SPIDR: variants seen among roughly 807,000 people sequenced by gnomAD.
The protein encoded by SPIDR is DNA repair-scaffolding protein.
Under a neutral mutation model 104.6 loss-of-function variants are expected in SPIDR, and 93 were observed. The ratio of observed to expected loss-of-function variants is 0.89; its 90% confidence interval spans 0.75 to 1.06. The LOEUF (loss-of-function observed/expected upper bound fraction) is 1.06. Among genes scored for constraint, SPIDR ranks in the 50% least tolerant of loss-of-function variants. The probability of loss-of-function intolerance (pLI) is 0.00; values close to 1 mark genes in which losing one functional copy is unlikely to be tolerated. For synonymous variants in SPIDR, 431 were observed against 416.9 expected (o/e 1.03, Z -0.41); for missense variants, 1,154 against 1,111.2 (o/e 1.04, Z -0.55).
intron 8 of SPIDR, among the ~76,000 whole-genome samples, chr8:47,441,884 A>G (rs1233033978): frequency 3.3e-5 from 5 of 152,294 alleles, no homozygotes; most frequent in Admixed American, 2.0e-4. Flanking sequence ...AGGAGTCCCA[A>G]CATTATTTAT....
At chr8:47,320,520 A>G (rs1368078286) in intron 5 of SPIDR, among the ~76,000 whole-genome samples, 5 of 152,238 alleles carry the variant, frequency 3.3e-5, no homozygotes, top group Non-Finnish European at 7.3e-5. Flanking sequence ...CCAGAGGTAC[A>G]AGGAGGAGCT....
intron 4 of SPIDR, among the ~76,000 whole-genome samples, chr8:47,292,279 G>T (rs1211004460): frequency 2.0e-5 from 3 of 152,130 alleles, no homozygotes; most frequent in African/African-American, 7.2e-5. Flanking sequence ...TCTCGGGAGG[G>T]TAGTTAAATT....
At chr8:47,633,703 G>A (rs1420849955) in intron 10 of SPIDR, among the ~76,000 whole-genome samples, 2 of 152,068 alleles carry the variant, frequency 1.3e-5, no homozygotes, top group African/African-American at 4.8e-5. Flanking sequence ...TTTACTGACT[G>A]CATTCCTCAT....
intron 5 of SPIDR, among the ~76,000 whole-genome samples, chr8:47,369,257 G>A (rs2057674920): frequency 6.6e-6 from 1 of 152,130 alleles, no homozygotes; most frequent in African/African-American, 2.4e-5. Flanking sequence ...AGTAAGAGAG[G>A]CAGCTTCTAA....
chr8:47,302,436 C>G, intron 5 of SPIDR, among the ~76,000 whole-genome samples: 1 of 152,216 alleles, frequency 6.6e-6, no homozygotes, highest in Non-Finnish European at 1.5e-5. Flanking sequence ...AAGCCTTCTT[C>G]TCTCAACTCG....
chr8:47,467,801 C>T (rs79258053), intron 8 of SPIDR, among the ~76,000 whole-genome samples: 1 of 152,174 alleles, frequency 6.6e-6, no homozygotes. Context: ...CAGCCCAAGA[C>T]AAGGATGCCC....
chr8:47,284,020 G>T lies in SPIDR; in HGVS notation c.190-8G>T. ...ACATAAATTCCATGATTATTATTTT[G>T]CCTACAGTCATTAACAGCTGAAGAG... On this transcript the variant is annotated splice_region_variant and splice_polypyrimidine_tract_variant and intron_variant, in intron 2 of 19. Transcript: ENST00000297423. 1 of 1,599,014 alleles carries T rather than the reference G, an allele frequency of 6.3e-7. No individual in the cohort carries two copies.
intron 3 of SPIDR, among the ~76,000 whole-genome samples, chr8:47,289,371 A>C (rs1446264642): frequency 5.9e-5 from 9 of 152,210 alleles, no homozygotes; most frequent in Non-Finnish European, 1.2e-4. Flanking sequence ...ATGTGCTTTG[A>C]AATATATCAA....
intron 10 of SPIDR, among the ~76,000 whole-genome samples, chr8:47,624,499 TA>T (rs1563346727): frequency 6.6e-6 from 1 of 151,286 alleles, no homozygotes; most frequent in African/African-American, 2.4e-5. Context: ...GCAAGACTAA[TA>T]AAGAAGAAAA....
intron 5 of SPIDR, among the ~76,000 whole-genome samples, chr8:47,366,824 G>C (rs1554634886): frequency 6.6e-6 from 1 of 152,030 alleles, no homozygotes; most frequent in Non-Finnish European, 1.5e-5. Flanking sequence ...ATTTTTTTTG[G>C]TTATTCTGCT....
At chr8:47,662,185 A>G (rs1428535050) in intron 10 of SPIDR, among the ~76,000 whole-genome samples, 1 of 152,140 alleles carries the variant, frequency 6.6e-6, no homozygotes, top group Non-Finnish European at 1.5e-5. Context: ...GCCTTCTCAC[A>G]TGCTGACAGA....
chr8:47,663,949 T>G (rs1226707215), intron 10 of SPIDR, among the ~76,000 whole-genome samples: 2 of 152,194 alleles, frequency 1.3e-5, no homozygotes, highest in African/African-American at 4.8e-5. Flanking sequence ...GAAATTGTCC[T>G]AAGGGCATAC....
chr8:47,518,984 G>A (rs973571744), intron 8 of SPIDR, among the ~76,000 whole-genome samples: 8 of 152,146 alleles, frequency 5.3e-5, no homozygotes, highest in African/African-American at 1.9e-4. Context: ...ATGAAGAAAT[G>A]TGAATAATTG....
intron 8 of SPIDR, among the ~76,000 whole-genome samples, chr8:47,514,295 A>T (rs931768115): frequency 6.6e-6 from 1 of 152,196 alleles, no homozygotes; most frequent in African/African-American, 2.4e-5. Flanking sequence ...TCTAAAACAA[A>T]AACTCATCAC....
At position 47,483,983 on chromosome 8, in the gene SPIDR, TA is replaced by T. The variant is rs552813536; in HGVS notation, c.1097+43454del. ...AAAATTACCAAGTACAGCTTCGTGTTAAAAAAAAAAAAATGTCGATGCATCT... is the reference window on the plus strand; with the variant it reads ...AAAATTACCAAGTACAGCTTCGTGTTAAAAAAAAAAAATGTCGATGCATCT... On this transcript the variant is annotated intron_variant, in intron 8 of 19. Transcript: ENST00000297423. Among the ~76,000 whole-genome samples the T allele has an allele frequency of 3.1e-3, 459 of 145,768 alleles. 5 individuals carry two copies. In the South Asian group the frequency reaches 0.035, roughly 11 times the overall value.
At chr8:47,497,933 G>A (rs1026953559) in intron 8 of SPIDR, among the ~76,000 whole-genome samples, 1 of 152,172 alleles carries the variant, frequency 6.6e-6, no homozygotes, top group Non-Finnish European at 1.5e-5. Flanking sequence ...GTTTAACAAA[G>A]GGAATTGTGG....
chr8:47,562,753 G>A (rs2057237137), intron 8 of SPIDR, among the ~76,000 whole-genome samples: 1 of 152,050 alleles, frequency 6.6e-6, no homozygotes, highest in Non-Finnish European at 1.5e-5. Flanking sequence ...AAAGTTATAG[G>A]GTGTGGGAAG....
intron 8 of SPIDR, among the ~76,000 whole-genome samples, chr8:47,515,592 A>G (rs1169354822): frequency 6.6e-6 from 1 of 152,228 alleles, no homozygotes; most frequent in African/African-American, 2.4e-5. Context: ...ATATGGCTCT[A>G]TAATAGCACT....
At position 47,368,608 on chromosome 8, in the gene SPIDR, C is replaced by T. The variant is rs116048928; in HGVS notation, c.526-27768C>T. On this transcript the variant is annotated intron_variant, in intron 5 of 19. Coordinates refer to ENST00000297423, the MANE Select transcript of SPIDR (RefSeq NM_001080394.4). ...GCCTTCAATGCGCATGTCTTTTCTG[C>T]GCAGAAGTGGTTAACATATGACTAA... Among the ~76,000 whole-genome samples the T allele has an allele frequency of 3.1e-3, 471 of 152,060 alleles. 1 individual carries two copies. The highest frequency in any genetic ancestry group is 0.011 in the African/African-American group (456 of 41,496).
Sources: allele counts gnomAD v4.1 joint callset (sites outside exome capture counted in the v4.1 genomes callset), GRCh38; gene constraint gnomAD v4.1.1; transcripts MANE v1.5; gene names NCBI Gene and HGNC (gene_info 2026-07-23, HGNC 2026-07-21).